PHKB: variants seen among roughly 807,000 people sequenced by gnomAD.
The protein encoded by PHKB is phosphorylase kinase regulatory subunit beta, also known as phosphorylase b kinase regulatory subunit beta.
In PHKB, 122 loss-of-function variants were observed where a neutral mutation model predicts 152.1. That is an observed-to-expected ratio of 0.80 (90% CI 0.69 to 0.93). PHKB has a LOEUF of 0.93. Ranked by LOEUF, PHKB falls within the 40% of genes least tolerant of loss-of-function variation. The probability of loss-of-function intolerance (pLI) is 0.00; values close to 1 mark genes in which losing one functional copy is unlikely to be tolerated. For synonymous variants in PHKB, 436 were observed against 464.9 expected, an observed-to-expected ratio of 0.94 and a Z score of 0.80; for missense variants, 1,304 against 1,328.4, an observed-to-expected ratio of 0.98 and a Z score of 0.29.
At chr16:47,626,749 T>G (rs1472486854) in intron 14 of PHKB, among the ~76,000 whole-genome samples, 1 of 152,218 alleles carries the variant, frequency 6.6e-6, no homozygotes, top group Admixed American at 6.5e-5. Context: ...ATTATGATTT[T>G]ATCAAGGAAA....
intron 13 of PHKB, among the ~76,000 whole-genome samples, chr16:47,609,217 T>G (rs1336192406): frequency 6.6e-6 from 1 of 152,180 alleles, no homozygotes; most frequent in Non-Finnish European, 1.5e-5. Context: ...AACTTTGTGA[T>G]GTTAAGCCAT....
chr16:47,484,073 G>A (rs1477377882), intron 1 of PHKB, among the ~76,000 whole-genome samples: 1 of 152,122 alleles, frequency 6.6e-6, no homozygotes, highest in Non-Finnish European at 1.5e-5. Context: ...AGTATATTAT[G>A]GGAAGGTAGT....
Position 47,580,359 on chromosome 16 carries a change from G to T in PHKB, c.774+1G>T. On this transcript the variant is annotated splice_donor_variant, in intron 8 of 30. Transcript: ENST00000323584. LOFTEE classifies it high-confidence loss of function. ...TGGATTCAACCTTTTTGGCAACCAGGTAAAAAATAAGACCCCCAGAATCTT... is the reference window on the plus strand; with the variant it reads ...TGGATTCAACCTTTTTGGCAACCAGTTAAAAAATAAGACCCCCAGAATCTT... 1 of 1,606,298 alleles carries T rather than the reference G, an allele frequency of 6.2e-7. No homozygotes were observed. Among genetic ancestry groups the T allele is most frequent in the Non-Finnish European group, 8.5e-7 (1 of 1,173,282 alleles).
chr16:47,480,233 A>G (rs1208419696), intron 1 of PHKB, among the ~76,000 whole-genome samples: 2 of 152,142 alleles, frequency 1.3e-5, no homozygotes, highest in Non-Finnish European at 2.9e-5. Context: ...ACTGGTTAGC[A>G]CTAGAAGTTA....
intron 4 of PHKB, among the ~76,000 whole-genome samples, chr16:47,507,756 A>T (rs767727062): frequency 9.2e-5 from 14 of 152,192 alleles, no homozygotes; most frequent in Non-Finnish European, 1.5e-4. Flanking sequence ...AAATGTAAGG[A>T]GTATATTATT....
intron 7 of PHKB, chr16:47,562,147 A>G (rs1370148671): frequency 1.3e-5 from 2 of 152,296 alleles, no homozygotes; most frequent in Non-Finnish European, 2.9e-5. Context: ...TGGCAGGAGC[A>G]TAATGGCTTG....
chr16:47,556,783 T>C (rs1206719926), intron 7 of PHKB, among the ~76,000 whole-genome samples: 1 of 152,214 alleles, frequency 6.6e-6, no homozygotes, highest in African/African-American at 2.4e-5. Flanking sequence ...GCTGGCCTCA[T>C]AAAGTGAGTT....
At chr16:47,520,144 T>G (rs918153315) in intron 6 of PHKB, among the ~76,000 whole-genome samples, 1 of 152,226 alleles carries the variant, frequency 6.6e-6, no homozygotes, top group South Asian at 2.1e-4. Flanking sequence ...TAAGGTATTC[T>G]TAGCTCCTGC....
intron 26 of PHKB, among the ~76,000 whole-genome samples, chr16:47,678,076 A>C (rs191274782): frequency 3.3e-5 from 5 of 151,906 alleles, no homozygotes; most frequent in African/African-American, 1.2e-4. Context: ...AGTTTCATCC[A>C]TGTCCCTACA....
At chr16:47,548,767 A>G (rs1057227617) in intron 7 of PHKB, among the ~76,000 whole-genome samples, 3 of 152,164 alleles carry the variant, frequency 2.0e-5, no homozygotes, top group African/African-American at 7.2e-5. Context: ...GTAACCCTCA[A>G]CAAGTTATGT....
intron 3 of PHKB, 138 bp from the exon 4 acceptor site, chr16:47,502,853 G>T (rs954424904): frequency 4.5e-5 from 30 of 672,376 alleles, no homozygotes; most frequent in South Asian, 8.1e-5. Context: ...TGGGAAAATG[G>T]AGTTTCACTG....
chr16:47,542,309 T>C lies in PHKB; in HGVS notation c.595-5124T>C, dbSNP rs529173588. 3.3e-5 allele frequency among the ~76,000 whole-genome samples: 5 copies of C among 152,318 alleles called. No homozygotes were observed. The South Asian group carries it at 1.0e-3, about 32-fold the overall frequency. The stretch of plus-strand genomic sequence containing the variant: ...AGGTTTGTCAAAGATCAGATGGTTG[T>C]AGATGTGTGGTATTATTTCTGAGGC... On this transcript the variant is annotated intron_variant, in intron 6 of 30. Transcript: ENST00000323584.
chr16:47,650,404 A>C, intron 18 of PHKB, 140 bp from the exon 19 acceptor site: 2 of 687,310 alleles, frequency 2.9e-6, no homozygotes, highest in Non-Finnish European at 5.3e-6. Context: ...TTCTACCCCT[A>C]AGTAGTCTAA....
intron 7 of PHKB, among the ~76,000 whole-genome samples, chr16:47,561,058 G>A (rs1971467952): frequency 6.6e-6 from 1 of 152,126 alleles, no homozygotes; most frequent in Admixed American, 6.6e-5. Context: ...GGTGCCACAT[G>A]TTCATTCTTT....
intron 7 of PHKB, among the ~76,000 whole-genome samples, chr16:47,549,808 G>A (rs1971239746): frequency 6.6e-6 from 1 of 152,146 alleles, no homozygotes; most frequent in Non-Finnish European, 1.5e-5. Flanking sequence ...TGACAAAACA[G>A]GCTCCAACTT....
At chr16:47,658,705 C>T (rs1410985482) in intron 20 of PHKB, among the ~76,000 whole-genome samples, 1 of 152,036 alleles carries the variant, frequency 6.6e-6, no homozygotes, top group African/African-American at 2.4e-5. Context: ...TAGGCTATGC[C>T]ACCTACGTTT....
chr16:47,617,583 C>T (rs920474232), intron 14 of PHKB, among the ~76,000 whole-genome samples: 1 of 152,112 alleles, frequency 6.6e-6, no homozygotes, highest in Non-Finnish European at 1.5e-5. Flanking sequence ...AGCATAATTT[C>T]CATACTAATG....
At chr16:47,585,387 T>G (rs1039768585) in intron 8 of PHKB, among the ~76,000 whole-genome samples, 7 of 152,250 alleles carry the variant, frequency 4.6e-5, no homozygotes, top group African/African-American at 1.7e-4. Context: ...GCTCATGTTA[T>G]GCAAAGTGTT....
intron 26 of PHKB, among the ~76,000 whole-genome samples, chr16:47,671,835 A>G (rs1973643683): frequency 6.6e-6 from 1 of 152,202 alleles, no homozygotes; most frequent in African/African-American, 2.4e-5. Flanking sequence ...GTTTTTAGCC[A>G]TATAAAAAAT....
Sources: gnomAD v4.1 joint callset for allele counts (sites outside exome capture counted in the v4.1 genomes callset) on GRCh38, gnomAD v4.1.1 for gene constraint, MANE v1.5 for transcripts, NCBI Gene and HGNC (gene_info 2026-07-23, HGNC 2026-07-21) for gene names.